CNBD1: variants seen among roughly 807,000 people sequenced by gnomAD.
CNBD1 encodes the protein cyclic nucleotide-binding domain-containing protein 1.
CNBD1 carries 71 observed loss-of-function variants against 54.4 expected under a neutral mutation model. The observed-to-expected ratio is 1.30, with a 90% CI of 1.08 to 1.59. CNBD1 has a LOEUF of 1.59. CNBD1 is among the 40% of genes most tolerant of loss of function. The pLI is 0.00. For missense variants in CNBD1, 659 were observed against 518.0 expected (o/e 1.27, Z -2.64); for synonymous variants, 182 against 170.7 (o/e 1.07, Z -0.51).
chr8:86,933,599 A>G (rs1277440947), intron 3 of CNBD1, among the ~76,000 whole-genome samples: 2 of 152,188 alleles, frequency 1.3e-5, no homozygotes, highest in Non-Finnish European at 2.9e-5. Context: ...GAATACTAGC[A>G]ACAAAATTCA....
intron 4 of CNBD1, among the ~76,000 whole-genome samples, chr8:87,045,756 TGCC>T (rs1356881954): frequency 7.0e-6 from 1 of 142,036 alleles, no homozygotes; most frequent in African/African-American, 2.7e-5. Context: ...AGTACACATG[TGCC>T]GGCCAGGCAT....
intron 6 of CNBD1, among the ~76,000 whole-genome samples, chr8:87,240,783 G>A (rs1229311832): frequency 6.6e-6 from 1 of 152,048 alleles, no homozygotes; most frequent in African/African-American, 2.4e-5. Context: ...GTTTTCTCAG[G>A]GTGTTTCCCC....
chr8:86,901,878 T>A (rs965090123), intron 2 of CNBD1, among the ~76,000 whole-genome samples: 30 of 152,296 alleles, frequency 2.0e-4, no homozygotes, highest in African/African-American at 7.0e-4. Flanking sequence ...GGGTGATCAC[T>A]TAAAGCCTTT....
intron 2 of CNBD1, among the ~76,000 whole-genome samples, chr8:86,894,187 G>A (rs1433252408): frequency 1.7e-3 from 246 of 147,962 alleles, no homozygotes; most frequent in African/African-American, 5.2e-3. Flanking sequence ...TCAGCCTCCC[G>A]AGTAGCTGGG....
intron 4 of CNBD1, among the ~76,000 whole-genome samples, chr8:87,167,054 T>TA (rs1279031545): frequency 3.3e-5 from 5 of 151,920 alleles, no homozygotes; most frequent in Non-Finnish European, 5.9e-5. Context: ...CAAAAGAAAG[T>TA]AAAAAATACA....
chr8:87,134,401 T>C (rs1279290927), intron 4 of CNBD1, among the ~76,000 whole-genome samples: 5 of 152,054 alleles, frequency 3.3e-5, no homozygotes, highest in African/African-American at 1.2e-4. Flanking sequence ...TGTACACCAA[T>C]ATATGTTCTT....
intron 1 of CNBD1, among the ~76,000 whole-genome samples, chr8:86,885,088 G>T (rs1176096490): frequency 1.3e-5 from 2 of 152,094 alleles, no homozygotes; most frequent in East Asian, 3.8e-4. Context: ...TTTTTGCAAA[G>T]GGTATTTATA....
At chr8:87,412,644 T>A (rs2130986237) in intron 2 of CNBD1, among the ~76,000 whole-genome samples, 1 of 152,174 alleles carries the variant, frequency 6.6e-6, no homozygotes, top group South Asian at 2.1e-4. Flanking sequence ...AAGCAAAAAG[T>A]GGCTGAGACA....
At chr8:87,397,466 A>G (rs1811429919) in intron 2 of CNBD1, among the ~76,000 whole-genome samples, 1 of 151,932 alleles carries the variant, frequency 6.6e-6, no homozygotes, top group Non-Finnish European at 1.5e-5. Flanking sequence ...GGAAATGTTG[A>G]TGAAATATAA....
intron 2 of CNBD1, among the ~76,000 whole-genome samples, chr8:87,417,903 A>G (rs1807862618): frequency 6.6e-6 from 1 of 151,912 alleles, no homozygotes; most frequent in Non-Finnish European, 1.5e-5. Context: ...GAAATAAATT[A>G]GAGAAAACAT....
rs1263711573 is a variant in CNBD1, at chr8:87,419,016, G to A, written c.214-9530G>A. ...AACTTTTACATGAATGTTCATAGCA[G>A]CATTACTCATAACAGTGCCAAAGTG... On this transcript the variant is annotated intron_variant, in intron 2 of 7. Coordinates refer to the CNBD1 transcript ENST00000521593. Among the ~76,000 whole-genome samples the A allele has an allele frequency of 3.3e-5, 5 of 151,940 alleles. No homozygotes were observed. In the East Asian group the frequency reaches 9.7e-4, roughly 29 times the overall value.
At chr8:87,275,934 C>T (rs184190980) in intron 6 of CNBD1, among the ~76,000 whole-genome samples, 162 of 152,044 alleles carry the variant, frequency 1.1e-3, no homozygotes, top group Non-Finnish European at 1.6e-3. Flanking sequence ...CAATAACAGA[C>T]AGAGAGCCAA....
chr8:87,234,692 G>A (rs1448319571), intron 5 of CNBD1, among the ~76,000 whole-genome samples: 1 of 152,062 alleles, frequency 6.6e-6, no homozygotes, highest in African/African-American at 2.4e-5. Flanking sequence ...AATTGTTCAG[G>A]GCCCTAGAAT....
intron 10 of CNBD1, among the ~76,000 whole-genome samples, chr8:87,375,017 C>T (rs1810896408): frequency 6.6e-6 from 1 of 150,474 alleles, no homozygotes; most frequent in Admixed American, 6.6e-5. Context: ...AATAAATATG[C>T]TTTTTGTGAT....
chr8:87,350,488 A>G (rs1010760075), intron 8 of CNBD1, among the ~76,000 whole-genome samples: 2 of 151,742 alleles, frequency 1.3e-5, no homozygotes, highest in Non-Finnish European at 2.9e-5. Flanking sequence ...CTGGTGGTAA[A>G]TTATATTTAA....
downstream of CNBD1, among the ~76,000 whole-genome samples, chr8:87,386,549 A>G (rs1811194208): frequency 6.6e-6 from 1 of 150,742 alleles, no homozygotes; most frequent in Admixed American, 6.6e-5. Flanking sequence ...TGAAGTGAGA[A>G]TTAGAGAAAA....
At chr8:87,087,831 T>C (rs941728980) in intron 4 of CNBD1, among the ~76,000 whole-genome samples, 1 of 152,186 alleles carries the variant, frequency 6.6e-6, no homozygotes, top group Non-Finnish European at 1.5e-5. Flanking sequence ...TCACTGAGTT[T>C]ACCTTTCTCA....
intron 10 of CNBD1, among the ~76,000 whole-genome samples, chr8:87,373,591 T>C (rs571679476): frequency 3.4e-4 from 52 of 151,934 alleles, no homozygotes; most frequent in South Asian, 1.2e-3. Flanking sequence ...AGGTTGTATA[T>C]CTTCATTTAG....
At chr8:87,390,137 T>G (rs554163332) in intron 2 of CNBD1, among the ~76,000 whole-genome samples, 1 of 151,764 alleles carries the variant, frequency 6.6e-6, no homozygotes, top group South Asian at 2.1e-4. Context: ...CCTAAAACCA[T>G]AAAAACCCTA....
Sources: allele counts gnomAD v4.1 joint callset (sites outside exome capture counted in the v4.1 genomes callset), GRCh38; gene constraint gnomAD v4.1.1; transcripts MANE v1.5; gene names NCBI Gene and HGNC (gene_info 2026-07-23, HGNC 2026-07-21).